The following CSMD1 variants were observed in gnomAD, a reference collection of about 807,000 sequenced individuals.
CSMD1 encodes the protein CUB and Sushi multiple domains 1.
In CSMD1, 213 loss-of-function variants were observed where a neutral mutation model predicts 417.5. The ratio of observed to expected loss-of-function variants is 0.51; its 90% CI spans 0.46 to 0.57. The LOEUF is 0.57. CSMD1 is among the 20% of genes least tolerant of loss of function. The pLI is 0.00. For synonymous variants in CSMD1, 2,862 were observed against 1,736.8 expected, an observed-to-expected ratio of 1.65 and a Z score of -16.11; for missense variants, 6,923 against 4,529.7, an observed-to-expected ratio of 1.53 and a Z score of -15.17.
At chr8:3,918,863 T>G (rs900002932) in intron 5 of CSMD1, among the ~76,000 whole-genome samples, 1 of 151,970 alleles carries the variant, frequency 6.6e-6, no homozygotes, top group African/African-American at 2.4e-5. Flanking sequence ...ACAATGGACT[T>G]TGGGGACTTG....
chr8:3,797,203 C>G (rs866500941), intron 5 of CSMD1, among the ~76,000 whole-genome samples: 4 of 151,828 alleles, frequency 2.6e-5, no homozygotes, highest in African/African-American at 7.2e-5. Context: ...GAACTTCAAT[C>G]TGAAATATCA....
chr8:4,470,389 A>T (rs1049367152), intron 2 of CSMD1, among the ~76,000 whole-genome samples: 6 of 152,104 alleles, frequency 3.9e-5, no homozygotes, highest in Non-Finnish European at 7.4e-5. Context: ...TCTTATTTTT[A>T]TCTGTAGAAT....
At chr8:3,151,091 G>C (rs994199147) in intron 40 of CSMD1, among the ~76,000 whole-genome samples, 3 of 152,082 alleles carry the variant, frequency 2.0e-5, no homozygotes, top group South Asian at 4.2e-4. Context: ...ATTAGAAAAA[G>C]AGCTATTATA....
At chr8:3,889,426 A>G (rs1806790808) in intron 5 of CSMD1, among the ~76,000 whole-genome samples, 2 of 132,016 alleles carry the variant, frequency 1.5e-5, no homozygotes, top group South Asian at 5.1e-4. Flanking sequence ...CATTGTAGTC[A>G]TTAGTTGATA....
intron 3 of CSMD1, among the ~76,000 whole-genome samples, chr8:4,344,274 T>C (rs17069980): frequency 0.091 from 13,871 of 152,186 alleles, 1,936 homozygotes; most frequent in African/African-American, 0.31. Flanking sequence ...CATTCAATTG[T>C]TCATTCTGTC....
At chr8:4,186,634 A>T (rs1351173255) in intron 3 of CSMD1, among the ~76,000 whole-genome samples, 8 of 152,146 alleles carry the variant, frequency 5.3e-5, no homozygotes, top group Admixed American at 3.9e-4. Context: ...CTAAGAGGCT[A>T]TTATTTTTAG....
chr8:3,267,581 G>C (rs1339867433), intron 26 of CSMD1, among the ~76,000 whole-genome samples: 2 of 152,204 alleles, frequency 1.3e-5, no homozygotes, highest in Non-Finnish European at 2.9e-5. Flanking sequence ...TAACACACTG[G>C]TAAGAGACTT....
chr8:3,993,886 T>C (rs1483073212), intron 5 of CSMD1, among the ~76,000 whole-genome samples: 2 of 152,212 alleles, frequency 1.3e-5, no homozygotes, highest in Middle Eastern at 3.4e-3. Flanking sequence ...CGACAAAAGA[T>C]AGGCAGTGGG....
chr8:4,637,960 G>A (rs545575252), intron 1 of CSMD1, among the ~76,000 whole-genome samples: 3 of 152,090 alleles, frequency 2.0e-5, no homozygotes, highest in Non-Finnish European at 4.4e-5. Context: ...GTGAGCCACC[G>A]CGCCCGGCCT....
In CSMD1 at chr8:3,309,985, GATAACCCTGATCTATTTAAGAGACACCA is replaced by G. The variant is rs1805198392; in HGVS notation, c.3632-1510_3632-1483del. ...CCAACCATGACATTATTATTTTTAC[GATAACCCTGATCTATTTAAGAGACACCA>G]ATAATTTTAATTCAGATGCCTGGAA... On this transcript the variant is annotated intron_variant, in intron 23 of 69. Transcript: ENST00000635120. Among the ~76,000 whole-genome samples, 3 of 152,126 alleles carry G rather than the reference GATAACCCTGATCTATTTAAGAGACACCA, an allele frequency of 2.0e-5. No homozygotes were observed. The South Asian group carries it at 6.2e-4, about 32-fold the overall frequency.
intron 1 of CSMD1, among the ~76,000 whole-genome samples, chr8:4,969,082 G>A (rs1810073070): frequency 6.6e-6 from 1 of 152,114 alleles, no homozygotes; most frequent in African/African-American, 2.4e-5. Flanking sequence ...AGTGTTGACA[G>A]CTCACTGACC....
chr8:4,308,554 G>A (rs553482970), intron 3 of CSMD1, among the ~76,000 whole-genome samples: 14 of 152,166 alleles, frequency 9.2e-5, no homozygotes, highest in Admixed American at 2.0e-4. Flanking sequence ...CGTTGTCTTC[G>A]ATATATCTTC....
At chr8:3,535,301 T>C (rs1798150028) in intron 10 of CSMD1, among the ~76,000 whole-genome samples, 1 of 152,098 alleles carries the variant, frequency 6.6e-6, no homozygotes, top group Non-Finnish European at 1.5e-5. Flanking sequence ...ATTCAAGCTT[T>C]TGGCCGTACT....
chr8:4,262,640 G>C (rs569251483), intron 3 of CSMD1, among the ~76,000 whole-genome samples: 50 of 152,168 alleles, frequency 3.3e-4, no homozygotes, highest in South Asian at 2.5e-3. Flanking sequence ...CACCCAGTTA[G>C]CCTGGGGCTG....
At chr8:4,138,586 T>C (rs1296341633) in intron 3 of CSMD1, among the ~76,000 whole-genome samples, 5 of 151,794 alleles carry the variant, frequency 3.3e-5, no homozygotes, top group Non-Finnish European at 5.9e-5. Flanking sequence ...CCTAGATTCT[T>C]AGAAATTCAA....
chr8:3,423,067 T>C (rs1295223616), intron 12 of CSMD1, among the ~76,000 whole-genome samples: 1 of 152,190 alleles, frequency 6.6e-6, no homozygotes, highest in Non-Finnish European at 1.5e-5. Flanking sequence ...TCCTATGTAT[T>C]TAAAAAATAA....
chr8:3,028,071 G>C (rs1423528803), intron 51 of CSMD1, among the ~76,000 whole-genome samples: 1 of 152,242 alleles, frequency 6.6e-6, no homozygotes, highest in Non-Finnish European at 1.5e-5. Context: ...GGAAATCAGA[G>C]AGACAAGAAA....
chr8:3,170,228 G>A (rs532601925), intron 37 of CSMD1, among the ~76,000 whole-genome samples: 1 of 151,702 alleles, frequency 6.6e-6, no homozygotes, highest in Non-Finnish European at 1.5e-5. Context: ...TTTTTTTTGA[G>A]ACGGAGTCTC....
intron 4 of CSMD1, among the ~76,000 whole-genome samples, chr8:4,030,492 G>T (rs1350564563): frequency 6.6e-6 from 1 of 152,156 alleles, no homozygotes; most frequent in African/African-American, 2.4e-5. Flanking sequence ...GCCACAGTTG[G>T]AGCAGCTGGG....
Sources: allele counts gnomAD v4.1 joint callset (sites outside exome capture counted in the v4.1 genomes callset), GRCh38; gene constraint gnomAD v4.1.1; transcripts MANE v1.5; gene names NCBI Gene and HGNC (gene_info 2026-07-23, HGNC 2026-07-21).